Variants in ADAM12 observed in about 807,000 individuals in gnomAD.
ADAM12 encodes the protein disintegrin and metalloproteinase domain-containing protein 12.
Under a neutral mutation model 106.4 loss-of-function variants are expected in ADAM12, and 70 were observed. The ratio of observed to expected loss-of-function variants is 0.66; its 90% CI spans 0.54 to 0.80. The LOEUF (loss-of-function observed/expected upper bound fraction) is 0.80, where lower values mean the gene tolerates loss of function less well. Ranked by LOEUF, ADAM12 falls within the 30% of genes least tolerant of loss-of-function variation. The pLI, the probability that ADAM12 is intolerant of heterozygous loss-of-function variation, is 0.00. For missense variants in ADAM12, 1,010 were observed against 1,171.9 expected, an observed-to-expected ratio of 0.86 and a Z score of 2.02; for synonymous variants, 420 against 433.5, an observed-to-expected ratio of 0.97 and a Z score of 0.39.
At chr10:126,297,639 G>A (rs192711264) in intron 2 of ADAM12, among the ~76,000 whole-genome samples, 8 of 152,348 alleles carry the variant, frequency 5.3e-5, no homozygotes, top group Admixed American at 4.6e-4. Flanking sequence ...GAGGGGTTTT[G>A]TTTCTGGTAA....
chr10:126,030,230 G>A (rs1345394415), intron 21 of ADAM12, among the ~76,000 whole-genome samples: 1 of 152,208 alleles, frequency 6.6e-6, no homozygotes, highest in Non-Finnish European at 1.5e-5. Flanking sequence ...ATGAGTGACA[G>A]CAAGTTGACG....
intron 3 of ADAM12, among the ~76,000 whole-genome samples, chr10:126,213,365 C>T (rs34940215): frequency 1.3e-5 from 2 of 152,142 alleles, no homozygotes; most frequent in Non-Finnish European, 2.9e-5. Context: ...TAATTTCAGC[C>T]TAAGAAATTT....
rs1169004770 is a variant in ADAM12 at position 126,013,965 on chromosome 10, G to T, written c.*3314C>A. ...CTTTCAGCTGGGTAACTGGTGTCTGGCTGAGGCCATCTTGAGCGCAGTGAG... is the reference window on the plus strand; with the variant it reads ...CTTTCAGCTGGGTAACTGGTGTCTGTCTGAGGCCATCTTGAGCGCAGTGAG... On this transcript the variant is annotated 3_prime_UTR_variant, in exon 23 of 23. Coordinates refer to ENST00000448723, the MANE Select transcript of ADAM12 (RefSeq NM_001288973.2). This position sits in a 1 kb window ranked among gnomAD's most constrained non-coding sequence, Gnocchi z 4.3. The T allele has an allele frequency of 6.6e-6, 1 of 152,590 alleles. No homozygotes were observed. The highest frequency in any genetic ancestry group is 1.9e-4 in the East Asian group (1 of 5,202). 9.5% of individuals were successfully genotyped at this position (152,590 alleles called of 1,614,324 possible).
chr10:126,028,965 AAAG>A (rs1220514653), intron 21 of ADAM12, among the ~76,000 whole-genome samples: 2 of 152,224 alleles, frequency 1.3e-5, no homozygotes, highest in Non-Finnish European at 2.9e-5. Flanking sequence ...ACACTTCTCA[AAAG>A]AAGACATTCA....
intron 18 of ADAM12, chr10:126,041,406 T>C: frequency 1.0e-6 from 1 of 985,750 alleles, no homozygotes; most frequent in Non-Finnish European, 1.2e-6. Context: ...GGCTCTTACA[T>C]TGTTTTCACT....
intron 3 of ADAM12, among the ~76,000 whole-genome samples, chr10:126,277,019 C>G (rs1306530753): frequency 6.6e-6 from 1 of 151,992 alleles, no homozygotes; most frequent in East Asian, 1.9e-4. Context: ...AAATGTGTGT[C>G]CATTATGAAG....
intron 2 of ADAM12, among the ~76,000 whole-genome samples, chr10:126,302,121 A>G (rs1043972491): frequency 6.6e-6 from 1 of 152,184 alleles, no homozygotes; most frequent in South Asian, 2.1e-4. Flanking sequence ...TGATGCTTAA[A>G]TCAAATAATC....
At chr10:126,243,949 C>A (rs1209214668) in intron 3 of ADAM12, among the ~76,000 whole-genome samples, 1 of 152,164 alleles carries the variant, frequency 6.6e-6, no homozygotes, top group Non-Finnish European at 1.5e-5. Context: ...AAAAGATTTG[C>A]ATCTCTATCA....
At chr10:126,072,633 A>G (rs1955019956) in intron 11 of ADAM12, among the ~76,000 whole-genome samples, 1 of 152,190 alleles carries the variant, frequency 6.6e-6, no homozygotes, top group African/African-American at 2.4e-5. Context: ...CGCTTCTAAT[A>G]TGGTAACCCA....
At chr10:126,095,482 C>A (rs1201682817) in intron 10 of ADAM12, among the ~76,000 whole-genome samples, 1 of 122,558 alleles carries the variant, frequency 8.2e-6, no homozygotes, top group Non-Finnish European at 1.6e-5. Context: ...TGCAGTGAGC[C>A]AAGATCCCAC....
chr10:126,317,844 C>T (rs565581316), intron 2 of ADAM12, among the ~76,000 whole-genome samples: 4 of 152,148 alleles, frequency 2.6e-5, no homozygotes, highest in Admixed American at 6.5e-5. Context: ...CTGCAACCTC[C>T]GCCTCCTGAG....
At chr10:126,018,115 T>C (rs146918455) in intron 22 of ADAM12, among the ~76,000 whole-genome samples, 401 of 152,350 alleles carry the variant, frequency 2.6e-3, no homozygotes, top group African/African-American at 9.0e-3. Flanking sequence ...AAGCAGCTCT[T>C]TCTTTCACGG....
chr10:126,134,792 G>A (rs1479492262), intron 5 of ADAM12, among the ~76,000 whole-genome samples: 1 of 152,190 alleles, frequency 6.6e-6, no homozygotes, highest in Non-Finnish European at 1.5e-5. Flanking sequence ...AACTCAAGCA[G>A]GTATATCCTT....
intron 14 of ADAM12, among the ~76,000 whole-genome samples, chr10:126,058,214 C>T (rs918031644): frequency 1.2e-4 from 18 of 152,222 alleles, no homozygotes; most frequent in African/African-American, 3.9e-4. Flanking sequence ...CTGAGAGGCC[C>T]CAGGGCTCCT....
intron 5 of ADAM12, among the ~76,000 whole-genome samples, chr10:126,123,056 G>A (rs1283714163): frequency 2.0e-5 from 3 of 152,212 alleles, no homozygotes; most frequent in African/African-American, 7.2e-5. Flanking sequence ...GCCAGATGTT[G>A]AGAAATCAGG....
chr10:126,120,226 A>G (rs1403826663), intron 5 of ADAM12, among the ~76,000 whole-genome samples: 1 of 152,198 alleles, frequency 6.6e-6, no homozygotes, highest in African/African-American at 2.4e-5. Flanking sequence ...TTCACTACAA[A>G]TCAACTGACA....
intron 2 of ADAM12, among the ~76,000 whole-genome samples, chr10:126,282,744 C>T (rs1959646033): frequency 6.6e-6 from 1 of 152,082 alleles, no homozygotes; most frequent in Non-Finnish European, 1.5e-5. Flanking sequence ...TCTCTCCAAC[C>T]CTTTTTGCTC....
At chr10:126,243,677 T>C (rs1176478698) in intron 3 of ADAM12, among the ~76,000 whole-genome samples, 1 of 152,224 alleles carries the variant, frequency 6.6e-6, no homozygotes, top group African/African-American at 2.4e-5. Context: ...GATAGCTGCT[T>C]TCTGAGTAGA....
At chr10:126,211,345 A>C (rs1957897626) in intron 3 of ADAM12, among the ~76,000 whole-genome samples, 1 of 152,188 alleles carries the variant, frequency 6.6e-6, no homozygotes, top group Admixed American at 6.5e-5. Context: ...GGGCTCAGCA[A>C]TTGGTCCTCA....
Sources: gnomAD v4.1 joint callset for allele counts (sites outside exome capture counted in the v4.1 genomes callset) on GRCh38, gnomAD v4.1.1 for gene constraint, Gnocchi (gnomAD v3.1) non-coding constraint, MANE v1.5 for transcripts, NCBI Gene and HGNC (gene_info 2026-07-23, HGNC 2026-07-21) for gene names.